Variants in ZNF559 observed in about 807,000 individuals in gnomAD.
ZNF559 encodes the protein zinc finger protein 559.
A neutral mutation model predicts 14.2 loss-of-function variants in ZNF559; 17 were observed. That is an observed-to-expected ratio of 1.20 (90% CI 0.82 to 1.80). The LOEUF is 1.80. Ranked by LOEUF, ZNF559 falls within the 40% of genes most tolerant of loss-of-function variation. The probability of loss-of-function intolerance (pLI) is 0.00; values close to 1 mark genes in which losing one functional copy is unlikely to be tolerated. For synonymous variants in ZNF559, 244 were observed against 212.4 expected, an observed-to-expected ratio of 1.15 and a Z score of -1.29; for missense variants, 740 against 629.7, an observed-to-expected ratio of 1.18 and a Z score of -1.88.
At chr19:9,324,555 C>T in intron 1 of ZNF559, 140 bp from the exon 2 acceptor site, 4 of 1,179,404 alleles carry the variant, frequency 3.4e-6, no homozygotes, top group East Asian at 5.2e-5. Flanking sequence ...GCGCTTTGGG[C>T]GGATTGGGTA....
At position 9,345,053 on chromosome 19, in the gene ZNF559, T is replaced by C. The variant is rs2067700353; in HGVS notation, c.*1985T>C. On this transcript the variant is annotated 3_prime_UTR_variant, in exon 7 of 7. Transcript: ENST00000603380. ...TCACTCTCCTGATCCACTGATTTGC[T>C]TTCTCTTAGAATAGACGACTTTATA... 1 of 152,208 alleles carries C rather than the reference T, an allele frequency of 6.6e-6. No homozygotes were observed. The highest frequency in any genetic ancestry group is 2.4e-5 in the African/African-American group (1 of 41,468). The allele number at this position is 152,208 out of a possible 1,614,324, so 9.4% of individuals were successfully genotyped here. A position where few individuals can be genotyped will look rare whatever the true frequency, so the allele number is the denominator to read the frequency against.
At chr19:9,328,524 C>G (rs1043876019) in intron 2 of ZNF559, among the ~76,000 whole-genome samples, 4 of 151,644 alleles carry the variant, frequency 2.6e-5, no homozygotes, top group Admixed American at 2.6e-4. Context: ...TCACTAATTT[C>G]TGTATTTTAG....
In ZNF559 at chr19:9,339,312, T is replaced by TG. The variant is rs1405017494; in HGVS notation, c.154dup (p.Ala52GlyfsTer9). 3 of 1,612,632 alleles carry TG rather than the reference T, an allele frequency of 1.9e-6. No individual in the cohort carries two copies. The highest frequency in any genetic ancestry group is 3.3e-5 in the Admixed American group (2 of 59,868). The stretch of plus-strand genomic sequence containing the variant: ...TGCTGGAGAACTATAAGAATCTAGT[T>TG]GCAGTAGGTAAGGCTGGTACCATTC... On this transcript the variant is annotated frameshift_variant, in exon 5 of 7. Coordinates refer to ENST00000603380, the MANE Select transcript of ZNF559 (RefSeq NM_032497.3). LOFTEE classifies it high-confidence loss of function.
chr19:9,328,565 C>CTGGTCTCAACTCCTGACCTCAGG (rs559428333), intron 2 of ZNF559, among the ~76,000 whole-genome samples: 160 of 151,942 alleles, frequency 1.1e-3, no homozygotes, highest in African/African-American at 3.8e-3. Context: ...GTTGGCTAGG[C>CTGGTCTCAACTCCTGACCTCAGG]TGGTCTCAAC....
rs936882780 is a variant in ZNF559, at chr19:9,337,874, C to T, written c.-57+16C>T. On this transcript the variant is annotated intron_variant, in intron 3 of 6. Coordinates refer to ENST00000603380, the MANE Select transcript of ZNF559 (RefSeq NM_032497.3). ...AAGATTGACGGTATGAGGCAAGACT[C>T]CCACTACTACTTAATCAAGAGGAAT... is the stretch of plus-strand genomic sequence containing the variant. The T allele has an allele frequency of 1.3e-6, 2 of 1,522,692 alleles. No individual in the cohort carries two copies. The highest frequency in any genetic ancestry group is 2.7e-5 in the African/African-American group (2 of 72,814). 94.3% of individuals were successfully genotyped at this position (1,522,692 alleles called of 1,614,324 possible).
At chr19:9,327,235 T>C (rs1010794329) in intron 2 of ZNF559, among the ~76,000 whole-genome samples, 1 of 101,742 alleles carries the variant, frequency 9.8e-6, no homozygotes, top group Non-Finnish European at 2.3e-5. Flanking sequence ...GGTTTTGTTT[T>C]GTTTTGTTTT....
Position 9,342,674 on chromosome 19 carries a change from C to T in ZNF559, c.1223C>T (p.Pro408Leu). The change falls in exon 7 of 7, where the codon CCC (proline) becomes CTC (leucine). Residue 408 changes from proline (P) to leucine (L), a missense_variant. Transcript: ENST00000603380. ...SHMQTHPGVKPYDCQQCGKAF... is the reference protein window; with the variant it reads ...SHMQTHPGVKLYDCQQCGKAF... The stretch of plus-strand genomic sequence containing the variant: ...ATGCAGACTCATCCTGGTGTAAAAC[C>T]CTATGACTGTCAACAGTGTGGGAAA... The T allele has an allele frequency of 6.2e-7, 1 of 1,614,136 alleles. No homozygotes were observed. Among genetic ancestry groups the T allele is most frequent in the African/African-American group, 1.3e-5 (1 of 75,030 alleles).
In ZNF559 at chr19:9,342,170, T is replaced by C. The variant is rs376288196; in HGVS notation, c.719T>C (p.Phe240Ser). ...ATGCAAACTCAAGATGGAGAAAAATTCTATGAATGTAAAGCATGTGGGAAA... is the reference window on the plus strand; with the variant it reads ...ATGCAAACTCAAGATGGAGAAAAATCCTATGAATGTAAAGCATGTGGGAAA... ...VHMQTQDGEK[F>S]YECKACGKPF... Residue 240 changes from phenylalanine (F) to serine (S), a missense_variant, in exon 7 of 7, where the codon TTC (phenylalanine) becomes TCC (serine). Phe to Ser is a radical substitution (Grantham distance 155). Coordinates refer to ENST00000603380, the MANE Select transcript of ZNF559 (RefSeq NM_032497.3). The C allele has an allele frequency of 6.2e-7, 1 of 1,609,786 alleles. No individual in the cohort carries two copies. Among genetic ancestry groups the C allele is most frequent in the Non-Finnish European group, 8.5e-7 (1 of 1,178,806 alleles).
chr19:9,324,499 G>T (rs891258400), intron 1 of ZNF559, 196 bp from the exon 2 acceptor site: 4 of 1,373,822 alleles, frequency 2.9e-6, no homozygotes, highest in Non-Finnish European at 3.8e-6. Context: ...CCCCTCTGCA[G>T]AAGCCTCATA....
intron 2 of ZNF559, among the ~76,000 whole-genome samples, chr19:9,328,308 G>C (rs2066741052): frequency 6.9e-6 from 1 of 144,612 alleles, no homozygotes; most frequent in Admixed American, 6.8e-5. Context: ...TTCTCTGTGT[G>C]GTTATGTTAT....
Position 9,339,429 on chromosome 19 carries a change from A to C in ZNF559, c.160+110A>C, listed in dbSNP as rs1017071846. 1.1e-5 allele frequency: 14 copies of C among 1,288,730 alleles called. No individual in the cohort carries two copies. In the African/African-American group the frequency reaches 1.8e-4, roughly 17 times the overall value. 79.8% of individuals were successfully genotyped at this position (1,288,730 alleles called of 1,614,324 possible). On this transcript the variant is annotated intron_variant, in intron 5 of 6. Coordinates refer to ENST00000603380, the MANE Select transcript of ZNF559 (RefSeq NM_032497.3). ...ATGGGCTGCATTGGTAAACAGGCGA[A>C]ACATTGTTTCCATCTCATAGACCTT... is the stretch of plus-strand genomic sequence containing the variant.
At chr19:9,340,781 T>A (rs1336492097) in intron 5 of ZNF559, among the ~76,000 whole-genome samples, 1 of 148,310 alleles carries the variant, frequency 6.7e-6, no homozygotes, top group Non-Finnish European at 1.5e-5. Context: ...TTCACCATAT[T>A]GGCCAGGACT....
rs536030961 is a variant in ZNF559 at position 9,339,068 on chromosome 19, A to G, written c.34-125A>G. The G allele has an allele frequency of 3.1e-4, 411 of 1,308,424 alleles. 1 individual carries two copies. The highest frequency in any genetic ancestry group is 4.2e-4 in the Non-Finnish European group (389 of 926,592). 81.1% of individuals were successfully genotyped at this position (1,308,424 alleles called of 1,614,324 possible). A position where few individuals can be genotyped will look rare whatever the true frequency, so the allele number is the denominator to read the frequency against. On this transcript the variant is annotated intron_variant, in intron 4 of 6. Coordinates refer to ENST00000603380, the MANE Select transcript of ZNF559 (RefSeq NM_032497.3). ...TGTACAGACAGGGGAGAAGAAAGTG[A>G]GGACCATCAAGTGATAGGAGACCAA...
chr19:9,336,666 C>G (rs76829998), intron 2 of ZNF559, among the ~76,000 whole-genome samples: 3,084 of 152,230 alleles, frequency 0.02, 47 homozygotes, highest in Non-Finnish European at 0.032. Flanking sequence ...TACTTAAGGT[C>G]TAGGACATTT....
intron 5 of ZNF559, among the ~76,000 whole-genome samples, chr19:9,340,630 G>A (rs916023233): frequency 4.8e-5 from 7 of 147,052 alleles, no homozygotes; most frequent in African/African-American, 1.3e-4. Flanking sequence ...GCAGTGGCGC[G>A]ATCTCAGCTC....
intron 2 of ZNF559, among the ~76,000 whole-genome samples, chr19:9,325,759 C>G (rs1330404883): frequency 1.3e-5 from 2 of 149,226 alleles, no homozygotes; most frequent in African/African-American, 5.0e-5. Context: ...GCATTCCAGC[C>G]TGGGCAACAG....
At position 9,343,557 on chromosome 19, in the gene ZNF559, G is replaced by A; in HGVS notation, c.*489G>A. The A allele has an allele frequency of 2.0e-6, 2 of 992,112 alleles. No individual in the cohort carries two copies. Among genetic ancestry groups the A allele is most frequent in the Non-Finnish European group, 2.4e-6 (2 of 833,262 alleles). 61.5% of individuals were successfully genotyped at this position (992,112 alleles called of 1,614,324 possible). The stretch of plus-strand genomic sequence containing the variant: ...CACAAGTGTGAAAAATCTTATGAAT[G>A]TAAAATGTGTGGAGATTCTTCTTTG... On this transcript the variant is annotated 3_prime_UTR_variant, in exon 7 of 7. Transcript: ENST00000603380.
intron 2 of ZNF559, among the ~76,000 whole-genome samples, chr19:9,325,097 T>G (rs2066506545): frequency 6.6e-6 from 1 of 152,142 alleles, no homozygotes; most frequent in African/African-American, 2.4e-5. Context: ...GAATTGATAA[T>G]GAATGCGAAG....
chr19:9,340,080 C>T (rs896564993), intron 5 of ZNF559, among the ~76,000 whole-genome samples: 2 of 151,588 alleles, frequency 1.3e-5, no homozygotes, highest in Non-Finnish European at 2.9e-5. Flanking sequence ...CCACTGTGCC[C>T]AGCCATCCCT....
Sources: allele counts gnomAD v4.1 joint callset (sites outside exome capture counted in the v4.1 genomes callset), GRCh38; gene constraint gnomAD v4.1.1; transcripts MANE v1.5; gene names NCBI Gene and HGNC (gene_info 2026-07-23, HGNC 2026-07-21).